Variants in FHL2 observed in about 807,000 individuals in gnomAD.
FHL2 encodes the protein four and a half LIM domains protein 2.
In FHL2, 20 loss-of-function variants were observed where a neutral mutation model predicts 32.7. The ratio of observed to expected loss-of-function variants is 0.61; its 90% confidence interval spans 0.43 to 0.89. The LOEUF (loss-of-function observed/expected upper bound fraction) is 0.89, where lower values mean the gene tolerates loss of function less well. FHL2 is among the 40% of genes least tolerant of loss of function. The pLI is 0.00. For synonymous variants in FHL2, 123 were observed against 128.1 expected, an observed-to-expected ratio of 0.96 and a Z score of 0.27; for missense variants, 311 against 358.6, an observed-to-expected ratio of 0.87 and a Z score of 1.07.
chr2:105,397,008 C>A, intron 1 of FHL2: 3 of 86,936 alleles, frequency 3.5e-5, no homozygotes, highest in Non-Finnish European at 6.3e-5. Flanking sequence ...GATATCTAGT[C>A]TGTTTTTTTT....
chr2:105,375,390 A>C (rs1681398477), intron 3 of FHL2: 1 of 152,244 alleles, frequency 6.6e-6, no homozygotes, highest in Non-Finnish European at 1.5e-5. Flanking sequence ...GAATAGGATT[A>C]TTGCTGACGC....
rs1009986435 is a variant in FHL2, at chr2:105,363,440, T to G, written c.533A>C (p.Glu178Ala). 2 of 1,611,730 alleles carry G rather than the reference T, an allele frequency of 1.2e-6. No homozygotes were observed. Among genetic ancestry groups the G allele is most frequent in the Non-Finnish European group, 1.7e-6 (2 of 1,178,998 alleles). ...PITTGGVTYR[E>A]QPWHKECFVC... ...GAAGCACTCCTTGTGCCAGGGCTGC[T>G]CCCGGTAAGTGACCCCTCCCGTGGT... is the stretch of plus-strand genomic sequence containing the variant. The change falls in exon 6 of 7, where the codon GAG becomes GCG. Residue 178 changes from glutamate (E) to alanine (A), a missense_variant. By Grantham distance (107) the Glu-to-Ala change is moderately radical. Coordinates refer to ENST00000530340, the MANE Select transcript of FHL2 (RefSeq NM_001318895.3).
chr2:105,438,455 T>C (rs572781214), exon 1 of FHL2: 14 of 985,602 alleles, frequency 1.4e-5, no homozygotes, highest in African/African-American at 1.2e-4. Context: ...GGACAGCTGC[T>C]GTGCAGGCGG....
At chr2:105,406,052 C>CTTAA (rs1683621972) in intron 1 of FHL2, among the ~76,000 whole-genome samples, 1 of 152,152 alleles carries the variant, frequency 6.6e-6, no homozygotes, top group Non-Finnish European at 1.5e-5. Context: ...TTCTAGAGAG[C>CTTAA]ATGTTTAGGA....
intron 4 of FHL2, among the ~76,000 whole-genome samples, chr2:105,370,163 A>G (rs1558686389): frequency 6.6e-6 from 1 of 152,140 alleles, no homozygotes; most frequent in Non-Finnish European, 1.5e-5. Flanking sequence ...TCTTGAGCCC[A>G]GGAGTTGGCG....
intron 3 of FHL2, among the ~76,000 whole-genome samples, chr2:105,384,705 GC>G (rs1682168843): frequency 6.6e-6 from 1 of 152,166 alleles, no homozygotes; most frequent in Non-Finnish European, 1.5e-5. Flanking sequence ...ACAGGGTTTC[GC>G]CATGTTGGCC....
chr2:105,397,151 G>A (rs1033353476), intron 1 of FHL2, among the ~76,000 whole-genome samples: 2 of 150,522 alleles, frequency 1.3e-5, no homozygotes, highest in African/African-American at 4.9e-5. Flanking sequence ...ATATTCAAAT[G>A]TTAAAAAAAA....
At chr2:105,392,129 C>T (rs1372542406) in intron 2 of FHL2, among the ~76,000 whole-genome samples, 4 of 152,090 alleles carry the variant, frequency 2.6e-5, no homozygotes, top group Non-Finnish European at 5.9e-5. Flanking sequence ...TGGGGATGGC[C>T]CAGGGAAGGC....
intron 4 of FHL2, among the ~76,000 whole-genome samples, chr2:105,368,999 G>A (rs1281269884): frequency 1.3e-5 from 2 of 152,176 alleles, no homozygotes; most frequent in East Asian, 1.9e-4. Flanking sequence ...TAAGCTAGAC[G>A]GCCGAGTAGT....
intron 1 of FHL2, among the ~76,000 whole-genome samples, chr2:105,436,084 A>G (rs1684600652): frequency 6.6e-6 from 1 of 152,244 alleles, no homozygotes; most frequent in Non-Finnish European, 1.5e-5. Flanking sequence ...CAAATGAAGT[A>G]TCAAATTGTA....
At chr2:105,407,603 G>C (rs1683675709) in intron 1 of FHL2, among the ~76,000 whole-genome samples, 2 of 151,982 alleles carry the variant, frequency 1.3e-5, no homozygotes, top group Admixed American at 1.3e-4. Flanking sequence ...GATATCAGCA[G>C]ATGCAAACTT....
chr2:105,391,455 A>C (rs72945042), intron 2 of FHL2, among the ~76,000 whole-genome samples: 14,191 of 151,932 alleles, frequency 0.093, 908 homozygotes, highest in African/African-American at 0.18. Flanking sequence ...AGGTCAGGTC[A>C]AGGGGTGGAG....
chr2:105,400,686 A>ATTTTTTTTTTTTTTTTTTTTTATTTTT (rs57296524), upstream of FHL2, among the ~76,000 whole-genome samples: 1 of 132,806 alleles, frequency 7.5e-6, no homozygotes, highest in Non-Finnish European at 1.6e-5. Flanking sequence ...TTATATTTTA[A>ATTTTTTTTTTTTTTTTTTTTTATTTTT]TTTTTTTTTT....
chr2:105,415,463 G>A (rs1247614172), intron 1 of FHL2, among the ~76,000 whole-genome samples: 1 of 152,170 alleles, frequency 6.6e-6, no homozygotes, highest in African/African-American at 2.4e-5. Flanking sequence ...TTGATTACCT[G>A]TTAATAACTA....
At chr2:105,371,546 A>ATCTCTCTCTCTCTCTCTCTCTCTC (rs10701119) in intron 4 of FHL2, among the ~76,000 whole-genome samples, 1 of 140,970 alleles carries the variant, frequency 7.1e-6, no homozygotes, top group East Asian at 2.2e-4. Context: ...ATCCCTTGAA[A>ATCTCTCTCTCTCTCTCTCTCTCTC]TCTCTCTCTC....
At chr2:105,367,005 C>T (rs185839562) in intron 5 of FHL2, among the ~76,000 whole-genome samples, 5 of 152,314 alleles carry the variant, frequency 3.3e-5, no homozygotes, top group Admixed American at 3.3e-4. Flanking sequence ...CTTGGCCTCC[C>T]ACAGGTGATC....
At chr2:105,398,711 C>A (rs868735317) in intron 1 of FHL2, 131 bp downstream of exon 1, 54 of 595,064 alleles carry the variant, frequency 9.1e-5, no homozygotes, top group Non-Finnish European at 9.6e-5. Flanking sequence ...CCACCCCCAA[C>A]CCCCAGGGTT....
chr2:105,425,351 C>T (rs1239051800), intron 1 of FHL2, among the ~76,000 whole-genome samples: 7 of 151,286 alleles, frequency 4.6e-5, no homozygotes, highest in Admixed American at 4.6e-4. Context: ...CAATGCACTG[C>T]AGAAAGCCGC....
intron 1 of FHL2, among the ~76,000 whole-genome samples, chr2:105,421,404 A>C (rs983418554): frequency 9.2e-5 from 14 of 152,210 alleles, no homozygotes; most frequent in African/African-American, 3.4e-4. Context: ...ACGCTACAGA[A>C]GGCCCAATGC....
Sources: gnomAD v4.1 joint callset for allele counts (sites outside exome capture counted in the v4.1 genomes callset) on GRCh38, gnomAD v4.1.1 for gene constraint, MANE v1.5 for transcripts, NCBI Gene and HGNC (gene_info 2026-07-23, HGNC 2026-07-21) for gene names.